The following GLE1 variants were observed in gnomAD, a reference collection of about 807,000 sequenced individuals.
GLE1 encodes GLE1 RNA export mediator, also known as mRNA export factor GLE1.
A neutral mutation model predicts 97.3 loss-of-function variants in GLE1; 78 were observed. That is an observed-to-expected ratio of 0.80 (90% CI 0.67 to 0.97). The LOEUF is 0.97. Ranked by LOEUF, GLE1 falls within the 50% of genes least tolerant of loss-of-function variation. The pLI is 0.00. For synonymous variants in GLE1, 302 were observed against 313.4 expected (o/e 0.96, Z 0.39); for missense variants, 753 against 857.5 (o/e 0.88, Z 1.52).
chr9:128,527,245 A>C lies in GLE1; in HGVS notation c.1196A>C (p.Gln399Pro). The change falls in exon 8 of 16, where the codon CAG becomes CCG. Residue 399 changes from glutamine (Q) to proline (P), a missense_variant. Transcript: ENST00000309971. ...WYQQLQDASM[Q>P]CVLTFEGLTN... ...CAGCAGCTGCAGGATGCTTCCATGC[A>C]GTGTGTGTTGACCTTTGAGGGCCTG... is the stretch of plus-strand genomic sequence containing the variant. 1.2e-6 allele frequency: 2 copies of C among 1,612,070 alleles called. No homozygotes were observed. Among genetic ancestry groups the C allele is most frequent in the Non-Finnish European group, 1.7e-6 (2 of 1,178,106 alleles).
At chr9:128,510,875 T>C (rs1455176005) in intron 2 of GLE1, among the ~76,000 whole-genome samples, 1 of 150,912 alleles carries the variant, frequency 6.6e-6, no homozygotes, top group East Asian at 1.9e-4. Context: ...ATTTTTTTTC[T>C]ATCTAGTAGT....
At chr9:128,534,067 C>T (rs1847616070) in intron 11 of GLE1, 116 bp downstream of exon 11, 2 of 800,228 alleles carry the variant, frequency 2.5e-6, no homozygotes, top group Admixed American at 3.6e-5. Flanking sequence ...AATGTTCTAT[C>T]AGAAATATAA....
In GLE1 at chr9:128,523,702, G is replaced by T; in HGVS notation, c.753G>T (p.Leu251=). ...TCCGCCTGCGGGCCCTCTATGCTCT[G>T]CAGGAGGAGATGCTGCAGCTCAGCC... ...GQIRLRALYA[L]QEEMLQLSQQ... Residue 251 remains leucine (L), a synonymous_variant, in exon 6 of 16, where the codon CTG becomes CTT. Coordinates refer to ENST00000309971, the MANE Select transcript of GLE1 (RefSeq NM_001003722.2). 1 of 1,614,152 alleles carries T rather than the reference G, an allele frequency of 6.2e-7. No homozygotes were observed. The highest frequency in any genetic ancestry group is 8.5e-7 in the Non-Finnish European group (1 of 1,180,018).
At position 128,523,893 on chromosome 9, in the gene GLE1, C is replaced by G. The variant is rs752642590; in HGVS notation, c.897+47C>G. 7 of 1,600,758 alleles carry G rather than the reference C, an allele frequency of 4.4e-6. No homozygotes were observed. The Admixed American group carries it at 1.2e-4, about 27-fold the overall frequency. ...CTCTTTGCTGTCTTTGAAATGGAAG[C>G]CTTTAAAAGCAAAACTGTTTTCTGA... On this transcript the variant is annotated intron_variant, in intron 6 of 15. Coordinates refer to ENST00000309971, the MANE Select transcript of GLE1 (RefSeq NM_001003722.2).
At chr9:128,533,378 C>A in intron 9 of GLE1, 135 bp from the exon 10 acceptor site, 1 of 698,346 alleles carries the variant, frequency 1.4e-6, no homozygotes, top group Non-Finnish European at 2.3e-6. Context: ...TGCAGTGAGC[C>A]AAGATTGTGC....
At chr9:128,526,250 G>A (rs2132468884) in intron 7 of GLE1, among the ~76,000 whole-genome samples, 1 of 152,070 alleles carries the variant, frequency 6.6e-6, no homozygotes, top group East Asian at 1.9e-4. Flanking sequence ...TCAAACTCCT[G>A]ACCTCATGAT....
rs201860812 is a variant in GLE1, at chr9:128,541,139, G to A, written c.2066G>A (p.Gly689Asp). Residue 689 changes from glycine to aspartate, a missense_variant, in exon 16 of 16, where the codon GGC becomes GAC. Coordinates refer to ENST00000309971, the MANE Select transcript of GLE1 (RefSeq NM_001003722.2). The stretch of plus-strand genomic sequence containing the variant: ...CACAAGGACATTCCTGTCCCCAAGG[G>A]CTTTCTGACTTCCTCCTTCTGGCGC... ...LQHKDIPVPK[G>D]FLTSSFWRS 1.9e-6 allele frequency: 3 copies of A among 1,593,804 alleles called. No homozygotes were observed. Among genetic ancestry groups the A allele is most frequent in the Admixed American group, 1.7e-5 (1 of 59,992 alleles).
At chr9:128,510,143 C>T (rs552129624) in intron 2 of GLE1, among the ~76,000 whole-genome samples, 131 of 151,982 alleles carry the variant, frequency 8.6e-4, no homozygotes, top group South Asian at 2.9e-3. Flanking sequence ...CTGCAGCCTC[C>T]ACCTCCCAGG....
intron 15 of GLE1, chr9:128,540,605 A>G (rs1380761647): frequency 2.2e-6 from 1 of 458,292 alleles, no homozygotes; most frequent in Non-Finnish European, 3.9e-6. Context: ...TCATTAATAT[A>G]TATTTTTTTT....
intron 9 of GLE1, among the ~76,000 whole-genome samples, chr9:128,528,306 C>A (rs928878586): frequency 7.7e-6 from 1 of 130,612 alleles, no homozygotes; most frequent in East Asian, 2.3e-4. Flanking sequence ...GCCCAGCCCC[C>A]TTTTTTTTTT....
chr9:128,530,632 G>A (rs771010869), intron 9 of GLE1, among the ~76,000 whole-genome samples: 5 of 152,240 alleles, frequency 3.3e-5, no homozygotes, highest in South Asian at 4.1e-4. Flanking sequence ...AAGGTGGGCC[G>A]GGCGCGGTGG....
chr9:128,538,090 G>A lies in GLE1; in HGVS notation c.1881G>A (p.Glu627=), dbSNP rs1368542143. 28 of 1,534,912 alleles carry A rather than the reference G, an allele frequency of 1.8e-5. No individual in the cohort carries two copies. Among genetic ancestry groups the A allele is most frequent in the Non-Finnish European group, 2.3e-5 (26 of 1,108,286 alleles). Residue 627 remains glutamate (E), a splice_region_variant and synonymous_variant, in exon 13 of 16, where the codon GAG becomes GAA. Transcript: ENST00000309971. ...VTATLLFDFL[E]VCGNALMKQY... is the part of the protein sequence containing the mutation. ...CCACCCTCCTCTTTGACTTCCTGGA[G>A]GTACGTAACTCAGTTATCACACAAG...
rs1198369243 is a variant in GLE1 at position 128,504,899 on chromosome 9, C to T, written c.94C>T (p.Arg32Cys). The change falls in exon 1 of 16, where the codon CGC becomes TGC. Residue 32 changes from arginine to cysteine, a missense_variant. By Grantham distance (180) the Arg-to-Cys change is radical. Transcript: ENST00000309971. ...LCYYRDWLLR[R>C]EDVLEECMSL... is the part of the protein sequence containing the mutation. Reference sequence around the variant, plus strand: ...CTACTACCGCGACTGGCTGCTGCGGCGCGAGGTGAGCGGTGGCCCCGGAGG... The same window carrying T: ...CTACTACCGCGACTGGCTGCTGCGGTGCGAGGTGAGCGGTGGCCCCGGAGG... 3 of 1,604,688 alleles carry T rather than the reference C, an allele frequency of 1.9e-6. No individual in the cohort carries two copies. The Admixed American group carries it at 5.0e-5, about 27-fold the overall frequency.
At chr9:128,524,072 C>CTTTTTTTTTTTTTTTTTTTTTTTT in intron 6 of GLE1, among the ~76,000 whole-genome samples, 1 of 69,954 alleles carries the variant, frequency 1.4e-5, no homozygotes, top group Non-Finnish European at 2.3e-5. Flanking sequence ...ATTCTGGAGT[C>CTTTTTTTTTTTTTTTTTTTTTTTT]TTTTTTTTTT....
At chr9:128,515,137 A>T (rs1846944120) in intron 2 of GLE1, among the ~76,000 whole-genome samples, 1 of 152,128 alleles carries the variant, frequency 6.6e-6, no homozygotes, top group Admixed American at 6.6e-5. Context: ...GAGTACTTTG[A>T]TAGCCAGCTT....
At chr9:128,504,710 C>T, upstream of GLE1, 1 of 870,072 alleles carries the variant, frequency 1.1e-6, no homozygotes, top group Non-Finnish European at 1.9e-6. Flanking sequence ...GCGCGCGCGT[C>T]CCGGAAGCAG....
chr9:128,537,453 CAAAAAAA>C (rs57584433), intron 12 of GLE1, among the ~76,000 whole-genome samples: 4 of 43,960 alleles, frequency 9.1e-5, no homozygotes, highest in East Asian at 1.1e-3. Context: ...AACTCTCCCT[CAAAAAAA>C]AAAAAAAAAA....
chr9:128,517,514 T>C (rs1406675419), intron 3 of GLE1, among the ~76,000 whole-genome samples: 1 of 152,162 alleles, frequency 6.6e-6, no homozygotes, highest in Non-Finnish European at 1.5e-5. Flanking sequence ...GGGTGAAAGA[T>C]GGTGGTTGCT....
chr9:128,512,616 C>T (rs1846857002), intron 2 of GLE1, among the ~76,000 whole-genome samples: 1 of 151,976 alleles, frequency 6.6e-6, no homozygotes, highest in African/African-American at 2.4e-5. Flanking sequence ...CTCTTTTCCT[C>T]AGTGGACTTC....
Sources: allele counts gnomAD v4.1 joint callset (sites outside exome capture counted in the v4.1 genomes callset), GRCh38; gene constraint gnomAD v4.1.1; transcripts MANE v1.5; gene names NCBI Gene and HGNC (gene_info 2026-07-23, HGNC 2026-07-21).